Variants in SHLD1 observed in about 807,000 individuals in gnomAD.
SHLD1 encodes RINN1-REV7-interacting novel NHEJ regulator 3.
Under a neutral mutation model 5.5 loss-of-function variants are expected in SHLD1, and 3 were observed. The ratio of observed to expected loss-of-function variants is 0.54; its 90% CI spans 0.25 to 1.40. The LOEUF (loss-of-function observed/expected upper bound fraction) is 1.40. Ranked by LOEUF, SHLD1 falls within the 40% of genes most tolerant of loss-of-function variation. SHLD1 has a pLI of 0.15. For missense variants in SHLD1, 210 were observed against 244.4 expected, an observed-to-expected ratio of 0.86 and a Z score of 0.94; for synonymous variants, 92 against 94.3, an observed-to-expected ratio of 0.98 and a Z score of 0.14.
intron 1 of SHLD1, among the ~76,000 whole-genome samples, chr20:5,766,482 A>T (rs1250546160): frequency 6.6e-6 from 1 of 152,190 alleles, no homozygotes; most frequent in African/African-American, 2.4e-5. Flanking sequence ...TTTAGGCTGC[A>T]ATACTGGGGC....
intron 1 of SHLD1, among the ~76,000 whole-genome samples, chr20:5,766,271 G>A (rs1430694712): frequency 6.6e-6 from 1 of 152,152 alleles, no homozygotes; most frequent in African/African-American, 2.4e-5. Flanking sequence ...CCTGTGAAAA[G>A]ACAGGATGTT....
At chr20:5,817,426 CTCTCTCTGTGTGTG>C (rs1172336698) in intron 2 of SHLD1, among the ~76,000 whole-genome samples, 13 of 127,030 alleles carry the variant, frequency 1.0e-4, no homozygotes, top group South Asian at 9.5e-4. Context: ...CTCTCTCTCT[CTCTCTCTGTGTGTG>C]TGTGTGTGTG....
chr20:5,756,565 G>A (rs564118758), intron 1 of SHLD1: 1 of 155,538 alleles, frequency 6.4e-6, no homozygotes, highest in South Asian at 1.7e-4. Flanking sequence ...TTTATTGCTA[G>A]CATACATAAA....
intron 2 of SHLD1, among the ~76,000 whole-genome samples, chr20:5,844,222 C>A (rs1167104576): frequency 2.0e-5 from 3 of 152,220 alleles, no homozygotes; most frequent in Non-Finnish European, 4.4e-5. Flanking sequence ...AGCCAGCAGT[C>A]ATTCTGTGAA....
chr20:5,772,240 G>A (rs1274968807), intron 1 of SHLD1: 16 of 444,496 alleles, frequency 3.6e-5, no homozygotes, highest in South Asian at 2.2e-4. Flanking sequence ...TGACTTGCTG[G>A]CATCACTACT....
At chr20:5,782,008 G>A (rs950220721) in intron 2 of SHLD1, among the ~76,000 whole-genome samples, 8 of 152,048 alleles carry the variant, frequency 5.3e-5, no homozygotes, top group Admixed American at 1.3e-4. Flanking sequence ...CAGTCCTGTC[G>A]GGCTTGCTTT....
rs34767475 is a variant in SHLD1 at position 5,804,351 on chromosome 20, C to CTA, written c.178+31321_178+31322dup. 5.3e-3 allele frequency among the ~76,000 whole-genome samples: 707 copies of CTA among 132,948 alleles called. 3 individuals carry two copies. The highest frequency in any genetic ancestry group is 0.022 in the East Asian group (107 of 4,904). The allele number at this position is 132,948 out of a possible 152,430, so 87.2% of individuals were successfully genotyped here. The stretch of plus-strand genomic sequence containing the variant: ...GACATTTGTATATCGCAAAAAAAAA[C>CTA]TATATATATATATACAGTTACTGTA... On this transcript the variant is annotated intron_variant, in intron 2 of 2. Coordinates refer to ENST00000303142, the MANE Select transcript of SHLD1 (RefSeq NM_152504.4).
At chr20:5,769,096 T>G (rs1476587835) in intron 1 of SHLD1, among the ~76,000 whole-genome samples, 1 of 152,006 alleles carries the variant, frequency 6.6e-6, no homozygotes, top group Non-Finnish European at 1.5e-5. Flanking sequence ...TTGTAAAAAT[T>G]GGGTCTTGCT....
chr20:5,848,146 A>G (rs949342774), intron 2 of SHLD1, among the ~76,000 whole-genome samples: 1 of 152,262 alleles, frequency 6.6e-6, no homozygotes, highest in Admixed American at 6.5e-5. Flanking sequence ...AAAACTTTGC[A>G]TATTGAAAGT....
intron 2 of SHLD1, among the ~76,000 whole-genome samples, chr20:5,857,531 A>G (rs932401380): frequency 6.6e-6 from 1 of 152,136 alleles, no homozygotes; most frequent in Non-Finnish European, 1.5e-5. Context: ...AGTCTTGGTC[A>G]GGTGCTGTGT....
rs1464252526 is a variant in SHLD1 at position 5,806,492 on chromosome 20, C to A, written c.178+33449C>A. 6.6e-6 allele frequency among the ~76,000 whole-genome samples: 1 copy of A among 152,150 alleles called. No homozygotes were observed. The highest frequency in any genetic ancestry group is 2.4e-5 in the African/African-American group (1 of 41,426). On this transcript the variant is annotated intron_variant, in intron 2 of 2. Transcript: ENST00000303142. The surrounding 1 kb of genome is among the most constrained non-coding windows in gnomAD (Gnocchi z 7.6). ...GCAATACATGCCTTGTGTTCATTTCCTCTCCTACCAGTCAGGCATGCAGTT... is the reference window on the plus strand; with the variant it reads ...GCAATACATGCCTTGTGTTCATTTCATCTCCTACCAGTCAGGCATGCAGTT...
intron 2 of SHLD1, 169 bp downstream of exon 2, chr20:5,773,212 C>A: frequency 1.3e-6 from 1 of 779,552 alleles, no homozygotes; most frequent in Non-Finnish European, 2.3e-6. Context: ...CTTCAAAGGA[C>A]AGCTTACCTG....
At chr20:5,847,268 G>A (rs1400464568) in intron 2 of SHLD1, among the ~76,000 whole-genome samples, 6 of 152,120 alleles carry the variant, frequency 3.9e-5, no homozygotes, top group Non-Finnish European at 4.4e-5. Context: ...ACACAGTAGA[G>A]CTGGATATTT....
At chr20:5,773,090 C>G (rs772920733) in intron 2 of SHLD1, 47 bp downstream of exon 2, 1 of 1,579,796 alleles carries the variant, frequency 6.3e-7, no homozygotes, top group Non-Finnish European at 8.7e-7. Flanking sequence ...CAACTAGCAG[C>G]AATACGGGTG....
At chr20:5,825,065 G>T (rs979967399) in intron 2 of SHLD1, among the ~76,000 whole-genome samples, 1 of 152,226 alleles carries the variant, frequency 6.6e-6, no homozygotes, top group Non-Finnish European at 1.5e-5. Context: ...TTCAGCCTTT[G>T]TTGGTTTCTA....
chr20:5,856,339 G>A (rs2088083863), intron 2 of SHLD1, among the ~76,000 whole-genome samples: 2 of 152,226 alleles, frequency 1.3e-5, no homozygotes, highest in Admixed American at 6.5e-5. Flanking sequence ...CAGACAGAGT[G>A]GTAGGTGCTA....
At chr20:5,804,546 A>C (rs1404958496) in intron 2 of SHLD1, among the ~76,000 whole-genome samples, 2 of 152,104 alleles carry the variant, frequency 1.3e-5, no homozygotes, top group Admixed American at 1.3e-4. Flanking sequence ...TTGATATGTG[A>C]CCGTACAAGA....
chr20:5,789,960 T>C (rs1204579616), intron 2 of SHLD1, among the ~76,000 whole-genome samples: 1 of 152,170 alleles, frequency 6.6e-6, no homozygotes, highest in Non-Finnish European at 1.5e-5. Context: ...GGGAGATTAA[T>C]AGGAGGCCAC....
At chr20:5,801,340 T>A (rs1013211742) in intron 2 of SHLD1, among the ~76,000 whole-genome samples, 2 of 152,164 alleles carry the variant, frequency 1.3e-5, no homozygotes, top group African/African-American at 4.8e-5. Flanking sequence ...CCTCCCAAAG[T>A]GCTGCGATTA....
Sources: gnomAD v4.1 joint callset for allele counts (sites outside exome capture counted in the v4.1 genomes callset) on GRCh38, gnomAD v4.1.1 for gene constraint, Gnocchi (gnomAD v3.1) non-coding constraint, MANE v1.5 for transcripts, NCBI Gene and HGNC (gene_info 2026-07-23, HGNC 2026-07-21) for gene names.